CNOT6L: variants seen among roughly 807,000 people sequenced by gnomAD.
The protein encoded by CNOT6L is CCR4-NOT transcription complex subunit 6 like.
A neutral mutation model predicts 64.0 loss-of-function variants in CNOT6L; 7 were observed. That is an observed-to-expected ratio of 0.11 (90% CI 0.06 to 0.21). The LOEUF is 0.21. CNOT6L is among the 10% of genes least tolerant of loss of function. The probability of loss-of-function intolerance (pLI) is 1.00; values close to 1 mark genes in which losing one functional copy is unlikely to be tolerated. For synonymous variants in CNOT6L, 193 were observed against 243.4 expected (o/e 0.79, Z 1.93); for missense variants, 245 against 669.0 (o/e 0.37, Z 6.99).
intron 1 of CNOT6L, among the ~76,000 whole-genome samples, chr4:77,809,563 A>C (rs764879251): frequency 1.3e-5 from 2 of 152,298 alleles, no homozygotes; most frequent in South Asian, 4.1e-4. Flanking sequence ...GAACCTATAG[A>C]AGAATATACC....
At chr4:77,815,365 C>T (rs1039090979) in intron 1 of CNOT6L, among the ~76,000 whole-genome samples, 11 of 152,160 alleles carry the variant, frequency 7.2e-5, no homozygotes, top group Admixed American at 2.0e-4. Context: ...AAATTTATAT[C>T]TTTAAATAGT....
intron 1 of CNOT6L, among the ~76,000 whole-genome samples, chr4:77,791,160 C>A (rs986185183): frequency 6.6e-6 from 1 of 152,014 alleles, no homozygotes; most frequent in Admixed American, 6.6e-5. Flanking sequence ...CACTTGTAAT[C>A]CCAGCTACTC....
intron 8 of CNOT6L, among the ~76,000 whole-genome samples, chr4:77,737,172 C>T (rs1723045127): frequency 6.6e-6 from 1 of 152,122 alleles, no homozygotes; most frequent in Admixed American, 6.5e-5. Context: ...ACAGTCAAGA[C>T]AATAGTATAA....
At chr4:77,739,115 A>G (rs976817537) in intron 8 of CNOT6L, among the ~76,000 whole-genome samples, 3 of 152,220 alleles carry the variant, frequency 2.0e-5, no homozygotes, top group African/African-American at 2.4e-5. Flanking sequence ...AGCCTTTACT[A>G]AACAATACTC....
At chr4:77,791,693 G>C (rs1202128871) in intron 1 of CNOT6L, among the ~76,000 whole-genome samples, 1 of 151,830 alleles carries the variant, frequency 6.6e-6, no homozygotes, top group Non-Finnish European at 1.5e-5. Context: ...TTCTGATTGA[G>C]AAAAATTAAT....
intron 4 of CNOT6L, among the ~76,000 whole-genome samples, chr4:77,770,545 G>A (rs1475207028): frequency 6.6e-6 from 1 of 152,092 alleles, no homozygotes; most frequent in Non-Finnish European, 1.5e-5. Context: ...GATCACCTTG[G>A]AAAGTGACAC....
chr4:77,768,474 A>AATAAATATATATATATATAT (rs1215170210), intron 4 of CNOT6L, among the ~76,000 whole-genome samples: 11 of 13,056 alleles, frequency 8.4e-4, no homozygotes, highest in East Asian at 2.7e-3. Flanking sequence ...AAAATAAATA[A>AATAAATATATATATATATAT]ATATATATAT....
chr4:77,813,597 AT>A (rs577927123), intron 1 of CNOT6L, among the ~76,000 whole-genome samples: 139 of 152,302 alleles, frequency 9.1e-4, no homozygotes, highest in African/African-American at 3.2e-3. Context: ...TGGGCAAAGA[AT>A]TTGAGTCTTT....
chr4:77,779,063 C>CAAAAAAAAA (rs879638003), intron 1 of CNOT6L, among the ~76,000 whole-genome samples: 2 of 71,272 alleles, frequency 2.8e-5, no homozygotes, highest in East Asian at 3.7e-4. Flanking sequence ...AAAAAAAAAA[C>CAAAAAAAAA]AAAAAAAAAA....
intron 4 of CNOT6L, among the ~76,000 whole-genome samples, chr4:77,769,389 A>T (rs1217326708): frequency 6.6e-6 from 1 of 152,116 alleles, no homozygotes; most frequent in Non-Finnish European, 1.5e-5. Context: ...ATTTTGTCAT[A>T]TTTTTTAAAT....
chr4:77,762,354 A>T (rs934906928), intron 4 of CNOT6L, among the ~76,000 whole-genome samples: 1 of 152,174 alleles, frequency 6.6e-6, no homozygotes, highest in African/African-American at 2.4e-5. Flanking sequence ...ACAATCAAAC[A>T]TTTTGATATT....
intron 11 of CNOT6L, among the ~76,000 whole-genome samples, 185 bp from the exon 12 acceptor site, chr4:77,720,828 C>A (rs902820044): frequency 1.3e-5 from 2 of 152,078 alleles, no homozygotes; most frequent in Admixed American, 1.3e-4. Context: ...AATAGGGAAA[C>A]ACAGCATGCT....
intron 6 of CNOT6L, among the ~76,000 whole-genome samples, chr4:77,745,489 A>T (rs1724087964): frequency 6.6e-6 from 1 of 152,238 alleles, no homozygotes; most frequent in Non-Finnish European, 1.5e-5. Context: ...TGTGAAGACC[A>T]GCAGCATCAG....
chr4:77,760,860 CTTTTTTTTTT>C (rs754195745), intron 4 of CNOT6L, among the ~76,000 whole-genome samples: 9,761 of 29,350 alleles, frequency 0.33, 1,018 homozygotes, highest in East Asian at 0.41. Flanking sequence ...CCATGCCTGG[CTTTTTTTTTT>C]TTTTTTTTTT....
chr4:77,720,766 G>C, intron 11 of CNOT6L, 123 bp from the exon 12 acceptor site: 1 of 870,830 alleles, frequency 1.1e-6, no homozygotes, highest in South Asian at 1.8e-5. Flanking sequence ...TTGATAGTGG[G>C]TCAAATAAGG....
chr4:77,785,288 A>G (rs184042114), intron 1 of CNOT6L, among the ~76,000 whole-genome samples: 233 of 152,372 alleles, frequency 1.5e-3, no homozygotes, highest in African/African-American at 5.4e-3. Context: ...AAGGACCATG[A>G]GCTTAAATAT....
chr4:77,731,530 A>G lies in CNOT6L; in HGVS notation c.881T>C (p.Leu294Ser). 1 of 1,566,516 alleles carries G rather than the reference A, an allele frequency of 6.4e-7. No homozygotes were observed. The highest frequency in any genetic ancestry group is 8.6e-7 in the Non-Finnish European group (1 of 1,161,594). The change falls in exon 9 of 12, where the codon TTG becomes TCG. Residue 294 changes from leucine (L) to serine (S), a missense_variant. Transcript: ENST00000504123. ...AAATTCCACTGTATGCTTCTGCACCAATGTAAATCTAAAAGGTACATTATT... is the reference window on the plus strand; with the variant it reads ...AAATTCCACTGTATGCTTCTGCACCGATGTAAATCTAAAAGGTACATTATT... ...AIFFKTEKFT[L>S]VQKHTVEFNQ... is the part of the protein sequence containing the mutation.
chr4:77,819,074 A>ACACACACACACACC (rs368900394), intron 1 of CNOT6L: 195 of 720,090 alleles, frequency 2.7e-4, no homozygotes, highest in Middle Eastern at 1.4e-3. Context: ...ACACACACAC[A>ACACACACACACACC]CCCCGGAACC....
intron 1 of CNOT6L, among the ~76,000 whole-genome samples, chr4:77,782,678 C>T (rs1728999146): frequency 6.8e-6 from 1 of 147,164 alleles, no homozygotes; most frequent in African/African-American, 2.5e-5. Context: ...CAGTGTCTAC[C>T]TATGTTGCCC....
Sources: allele counts gnomAD v4.1 joint callset (sites outside exome capture counted in the v4.1 genomes callset), GRCh38; gene constraint gnomAD v4.1.1; transcripts MANE v1.5; gene names NCBI Gene and HGNC (gene_info 2026-07-23, HGNC 2026-07-21).